EXOC6B: variants seen among roughly 807,000 people sequenced by gnomAD.
The protein encoded by EXOC6B is SEC15 homolog B.
Under a neutral mutation model 113.5 loss-of-function variants are expected in EXOC6B, and 54 were observed. The observed-to-expected ratio is 0.48, with a 90% CI of 0.38 to 0.60. EXOC6B has a LOEUF of 0.60. EXOC6B is among the 20% of genes least tolerant of loss of function. The pLI is 0.00. For synonymous variants in EXOC6B, 357 were observed against 339.0 expected (o/e 1.05, Z -0.58); for missense variants, 797 against 977.5 (o/e 0.82, Z 2.46).
At chr2:72,459,684 C>T (rs1375178273) in intron 18 of EXOC6B, among the ~76,000 whole-genome samples, 2 of 152,064 alleles carry the variant, frequency 1.3e-5, no homozygotes, top group South Asian at 2.1e-4. Context: ...AACTACAAAC[C>T]ACTGCTCAAG....
intron 18 of EXOC6B, among the ~76,000 whole-genome samples, chr2:72,402,619 G>C (rs1213707174): frequency 2.0e-5 from 3 of 152,112 alleles, no homozygotes; most frequent in African/African-American, 4.8e-5. Context: ...GCCAGACATA[G>C]AATTCCTGGG....
chr2:72,668,356 C>T (rs1455589311), intron 6 of EXOC6B, among the ~76,000 whole-genome samples: 2 of 151,956 alleles, frequency 1.3e-5, no homozygotes, highest in African/African-American at 2.4e-5. Context: ...AACAGATGGG[C>T]CATTTCTCAA....
rs1010595591 is a variant in EXOC6B at position 72,177,464 on chromosome 2, A to T, written c.*1871T>A. The stretch of plus-strand genomic sequence containing the variant: ...TCGTTTCTCACTTGTTTCAACAAAG[A>T]TGAGAGCTTGGCGATGCCATTTTGG... On this transcript the variant is annotated 3_prime_UTR_variant, in exon 22 of 22. Coordinates refer to ENST00000272427, the MANE Select transcript of EXOC6B (RefSeq NM_015189.3). 1 of 152,228 alleles carries T rather than the reference A, an allele frequency of 6.6e-6. No individual in the cohort carries two copies. Among genetic ancestry groups the T allele is most frequent in the Non-Finnish European group, 1.5e-5 (1 of 68,052 alleles). 9.4% of individuals were successfully genotyped at this position (152,228 alleles called of 1,614,324 possible).
At chr2:72,265,902 C>T (rs1426934236) in intron 20 of EXOC6B, among the ~76,000 whole-genome samples, 3 of 152,206 alleles carry the variant, frequency 2.0e-5, no homozygotes, top group Admixed American at 6.5e-5. Context: ...TCTCCACATC[C>T]TCTCCAGCAC....
chr2:72,311,516 C>T (rs990568887), intron 20 of EXOC6B, among the ~76,000 whole-genome samples: 3 of 152,072 alleles, frequency 2.0e-5, no homozygotes, highest in African/African-American at 7.2e-5. Flanking sequence ...TCTCTCTGAA[C>T]CACTTTTTCT....
intron 6 of EXOC6B, among the ~76,000 whole-genome samples, chr2:72,591,873 G>A (rs900711742): frequency 5.9e-5 from 9 of 151,912 alleles, no homozygotes; most frequent in African/African-American, 2.2e-4. Context: ...TCTGCTAATA[G>A]GGAATCATAT....
intron 20 of EXOC6B, among the ~76,000 whole-genome samples, chr2:72,326,565 T>C (rs1366777325): frequency 6.6e-6 from 1 of 152,068 alleles, no homozygotes; most frequent in Non-Finnish European, 1.5e-5. Context: ...ATGGAACCAA[T>C]GCCTTCAAAC....
At chr2:72,671,917 AAAG>A (rs950970079) in intron 6 of EXOC6B, among the ~76,000 whole-genome samples, 4 of 151,582 alleles carry the variant, frequency 2.6e-5, no homozygotes, top group South Asian at 2.1e-4. Context: ...GAAAGAAAGA[AAAG>A]AAAGAAAGAG....
intron 20 of EXOC6B, among the ~76,000 whole-genome samples, chr2:72,312,684 G>A (rs1489974046): frequency 1.3e-5 from 2 of 151,716 alleles, no homozygotes; most frequent in Non-Finnish European, 2.9e-5. Context: ...GAACCCAGGA[G>A]GCGGAGGTTG....
chr2:72,526,475 G>T (rs1385469985), intron 8 of EXOC6B, among the ~76,000 whole-genome samples: 1 of 151,922 alleles, frequency 6.6e-6, no homozygotes, highest in Non-Finnish European at 1.5e-5. Flanking sequence ...TGTATGTAAT[G>T]GATATTTTAT....
intron 20 of EXOC6B, among the ~76,000 whole-genome samples, chr2:72,252,886 C>A (rs1474844861): frequency 1.3e-5 from 2 of 152,082 alleles, no homozygotes; most frequent in African/African-American, 4.8e-5. Flanking sequence ...AAAAACAAAT[C>A]ACAGATCACA....
chr2:72,603,882 G>A (rs1386956221), intron 6 of EXOC6B, among the ~76,000 whole-genome samples: 1 of 151,940 alleles, frequency 6.6e-6, no homozygotes, highest in East Asian at 1.9e-4. Flanking sequence ...AGAGATACTG[G>A]TATTTCCCTT....
At chr2:72,720,105 A>G (rs2104728411) in intron 5 of EXOC6B, among the ~76,000 whole-genome samples, 1 of 152,316 alleles carries the variant, frequency 6.6e-6, no homozygotes, top group South Asian at 2.1e-4. Flanking sequence ...GATAAGATGC[A>G]TATTATAATC....
chr2:72,675,081 C>G (rs1050112145), intron 6 of EXOC6B, among the ~76,000 whole-genome samples: 54 of 152,192 alleles, frequency 3.5e-4, no homozygotes, highest in African/African-American at 1.2e-3. Context: ...AAAACAAGCA[C>G]TACTAAAATA....
chr2:72,301,715 C>T (rs1274697551), intron 20 of EXOC6B, among the ~76,000 whole-genome samples: 2 of 151,922 alleles, frequency 1.3e-5, no homozygotes, highest in Non-Finnish European at 2.9e-5. Flanking sequence ...TTTCCTATTG[C>T]TATTTCTATT....
At chr2:72,775,645 A>G (rs1013294350) in intron 1 of EXOC6B, among the ~76,000 whole-genome samples, 2 of 152,202 alleles carry the variant, frequency 1.3e-5, no homozygotes, top group African/African-American at 4.8e-5. Flanking sequence ...ATGCTGAGAA[A>G]AAGAAAAAAA....
intron 6 of EXOC6B, among the ~76,000 whole-genome samples, chr2:72,697,032 T>C (rs1677932590): frequency 6.6e-6 from 1 of 152,106 alleles, no homozygotes; most frequent in African/African-American, 2.4e-5. Context: ...ACAATGGACC[T>C]CTCTCTAAAT....
intron 6 of EXOC6B, among the ~76,000 whole-genome samples, chr2:72,704,666 A>T (rs1296813340): frequency 2.0e-5 from 3 of 152,136 alleles, no homozygotes; most frequent in Non-Finnish European, 4.4e-5. Flanking sequence ...ATCCCACAGA[A>T]ATACAAACTA....
rs186776481 is a variant in EXOC6B, at chr2:72,819,739, T to A, written c.113+6059A>T. 4.6e-5 allele frequency among the ~76,000 whole-genome samples: 7 copies of A among 152,070 alleles called. No homozygotes were observed. The East Asian group carries it at 7.7e-4, about 17-fold the overall frequency. On this transcript the variant is annotated intron_variant, in intron 1 of 21. Coordinates refer to ENST00000272427, the MANE Select transcript of EXOC6B (RefSeq NM_015189.3). ...CAGGTACCATGGCACCCCATCTACATTGGAGGAAGAGTATGAAAAGAAAAA... is the reference window on the plus strand; with the variant it reads ...CAGGTACCATGGCACCCCATCTACAATGGAGGAAGAGTATGAAAAGAAAAA...
Sources: gnomAD v4.1 joint callset for allele counts (sites outside exome capture counted in the v4.1 genomes callset) on GRCh38, gnomAD v4.1.1 for gene constraint, MANE v1.5 for transcripts, NCBI Gene and HGNC (gene_info 2026-07-23, HGNC 2026-07-21) for gene names.